The following LINGO2 variants were observed in gnomAD, a reference collection of about 807,000 sequenced individuals.
The protein encoded by LINGO2 is leucine rich repeat and Ig domain containing 2.
LINGO2 carries 14 observed loss-of-function variants against 30.6 expected under a neutral mutation model. That is an observed-to-expected ratio of 0.46 (90% CI 0.30 to 0.72). The LOEUF is 0.72. LINGO2 is among the 30% of genes least tolerant of loss of function. LINGO2 has a pLI of 0.07. For synonymous variants in LINGO2, 317 were observed against 288.5 expected (o/e 1.10, Z -1.00); for missense variants, 729 against 751.7 (o/e 0.97, Z 0.35).
the LINGO2 span, among the ~76,000 whole-genome samples, chr9:29,053,648 T>A: frequency 6.6e-6 from 1 of 152,226 alleles, no homozygotes; most frequent in Non-Finnish European, 1.5e-5. Flanking sequence ...CTTTCTTTAA[T>A]TCAGAATCAA....
chr9:28,682,402 T>A, the LINGO2 span, among the ~76,000 whole-genome samples: 2 of 152,188 alleles, frequency 1.3e-5, no homozygotes, highest in Admixed American at 6.5e-5. Context: ...TGCAAAATAA[T>A]CTGTTAATGA....
At chr9:28,040,775 A>T (rs1824164997) in intron 4 of LINGO2, among the ~76,000 whole-genome samples, 1 of 17,116 alleles carries the variant, frequency 5.8e-5, no homozygotes, top group Admixed American at 7.2e-4. Context: ...ACTTTTCCCA[A>T]AACAGACTAA....
chr9:28,904,782 T>TA, the LINGO2 span, among the ~76,000 whole-genome samples: 2 of 151,988 alleles, frequency 1.3e-5, no homozygotes, highest in Non-Finnish European at 2.9e-5. Context: ...CAAAGCAATC[T>TA]ACAGATTTAA....
chr9:28,149,504 G>A, intron 4 of LINGO2, among the ~76,000 whole-genome samples: 1 of 151,178 alleles, frequency 6.6e-6, no homozygotes, highest in Non-Finnish European at 1.5e-5. Flanking sequence ...CCTCTGCCCA[G>A]CCGCCTCACA....
At chr9:28,419,877 A>G (rs941825551) in intron 2 of LINGO2, among the ~76,000 whole-genome samples, 14 of 152,006 alleles carry the variant, frequency 9.2e-5, no homozygotes, top group African/African-American at 3.1e-4. Context: ...ATAAAAAGTA[A>G]TAAGTAAGGT....
chr9:28,650,967 G>A (rs1174449195), intron 1 of LINGO2, among the ~76,000 whole-genome samples: 2 of 152,026 alleles, frequency 1.3e-5, no homozygotes, highest in Non-Finnish European at 2.9e-5. Flanking sequence ...GAGGTGGGCG[G>A]ATCATCAGGT....
intron 1 of LINGO2, among the ~76,000 whole-genome samples, chr9:28,656,041 A>C (rs1419023572): frequency 6.6e-6 from 1 of 152,136 alleles, no homozygotes; most frequent in Non-Finnish European, 1.5e-5. Context: ...GAATTATTTA[A>C]CATTGGCTGT....
At chr9:28,477,797 T>C (rs1224571393) in intron 1 of LINGO2, among the ~76,000 whole-genome samples, 1 of 152,222 alleles carries the variant, frequency 6.6e-6, no homozygotes, top group Non-Finnish European at 1.5e-5. Context: ...CTTCTTTGGT[T>C]AAAATTATTC....
chr9:28,975,282 T>C, the LINGO2 span, among the ~76,000 whole-genome samples: 1 of 152,014 alleles, frequency 6.6e-6, no homozygotes, highest in Non-Finnish European at 1.5e-5. Context: ...AGAAAGACAA[T>C]GAACCTAATT....
At chr9:27,950,425 G>A (rs987546944) in exon 6 of LINGO2, 3 of 1,614,124 alleles carry the variant, frequency 1.9e-6, no homozygotes, top group African/African-American at 1.3e-5. Context: ...ATCTCTTCCA[G>A]CAGAGGATAT....
the LINGO2 span, among the ~76,000 whole-genome samples, chr9:28,937,531 C>T: frequency 7.2e-5 from 11 of 152,170 alleles, no homozygotes; most frequent in Admixed American, 6.5e-4. Flanking sequence ...TGGCTTGATG[C>T]TCTGCTTTCC....
At chr9:29,065,003 G>A in the LINGO2 span, among the ~76,000 whole-genome samples, 1 of 152,080 alleles carries the variant, frequency 6.6e-6, no homozygotes, top group Admixed American at 6.6e-5. Context: ...GACACTTCAA[G>A]AGAAAGGACC....
chr9:28,644,547 T>C (rs1189757884), intron 1 of LINGO2, among the ~76,000 whole-genome samples: 5 of 148,058 alleles, frequency 3.4e-5, no homozygotes, highest in African/African-American at 7.5e-5. Flanking sequence ...AGGGGGAGGG[T>C]AGTGAGGAGG....
chr9:28,152,677 C>A (rs1408004508), intron 4 of LINGO2, among the ~76,000 whole-genome samples: 1 of 152,032 alleles, frequency 6.6e-6, no homozygotes, highest in East Asian at 1.9e-4. Context: ...CTTTTTGAAA[C>A]AAGTAAAACT....
the LINGO2 span, among the ~76,000 whole-genome samples, chr9:28,932,998 C>T: frequency 1.3e-5 from 2 of 152,074 alleles, no homozygotes; most frequent in Middle Eastern, 3.2e-3. Context: ...ACTCCACCTC[C>T]AGGATTCAAG....
the LINGO2 span, among the ~76,000 whole-genome samples, chr9:29,137,102 T>C: frequency 6.6e-6 from 1 of 152,152 alleles, no homozygotes; most frequent in Non-Finnish European, 1.5e-5. Flanking sequence ...CAATTTCTAC[T>C]GTCTGAATCT....
chr9:28,262,833 A>G (rs972558339), intron 4 of LINGO2, among the ~76,000 whole-genome samples: 4 of 151,944 alleles, frequency 2.6e-5, no homozygotes, highest in African/African-American at 7.2e-5. Context: ...ATGAACTTCA[A>G]TTTTCAGTAA....
intron 5 of LINGO2, among the ~76,000 whole-genome samples, chr9:28,003,627 A>C (rs1021861336): frequency 1.3e-5 from 2 of 152,008 alleles, no homozygotes; most frequent in African/African-American, 4.8e-5. Context: ...ACACCCGGCT[A>C]ATTTTTCGTA....
At chr9:27,973,662 C>T (rs917524730) in intron 5 of LINGO2, among the ~76,000 whole-genome samples, 1 of 152,144 alleles carries the variant, frequency 6.6e-6, no homozygotes, top group Non-Finnish European at 1.5e-5. Context: ...TTAGCCCAGC[C>T]TTTGGGTTTT....
Sources: gnomAD v4.1 joint callset for allele counts (sites outside exome capture counted in the v4.1 genomes callset) on GRCh38, gnomAD v4.1.1 for gene constraint, MANE v1.5 for transcripts, NCBI Gene and HGNC (gene_info 2026-07-23, HGNC 2026-07-21) for gene names.